ANKRD46: variants seen among roughly 807,000 people sequenced by gnomAD.
ANKRD46 encodes the protein ankyrin repeat domain 46, also known as ankyrin repeat domain-containing protein 46.
In ANKRD46, 13 loss-of-function variants were observed where a neutral mutation model predicts 19.8. The ratio of observed to expected loss-of-function variants is 0.66; its 90% CI spans 0.43 to 1.04. ANKRD46 has a LOEUF of 1.04. Ranked by LOEUF, ANKRD46 falls within the 50% of genes least tolerant of loss-of-function variation. The pLI is 0.00. For synonymous variants in ANKRD46, 91 were observed against 106.9 expected (o/e 0.85, Z 0.92); for missense variants, 185 against 274.8 (o/e 0.67, Z 2.31).
chr8:100,530,361 A>G lies in ANKRD46; in HGVS notation c.-27-501T>C, dbSNP rs533730896. On this transcript the variant is annotated intron_variant, in intron 2 of 4. Coordinates refer to ENST00000335659, the MANE Select transcript of ANKRD46 (RefSeq NM_001270377.2). The stretch of plus-strand genomic sequence containing the variant: ...TGAAAAGAACTTATACTCAACAAAG[A>G]CCTGTAGAGTGTTATGTTTATAGCA... Among the ~76,000 whole-genome samples the G allele has an allele frequency of 1.1e-4, 17 of 151,288 alleles. 1 individual carries two copies. Among genetic ancestry groups the G allele is most frequent in the African/African-American group, 4.1e-4 (17 of 41,110 alleles).
chr8:100,522,796 G>A (rs763761865), intron 4 of ANKRD46, 25 bp from the exon 5 acceptor site: 1 of 1,600,192 alleles, frequency 6.2e-7, no homozygotes, highest in Non-Finnish European at 8.5e-7. Context: ...AGAGCAAAAA[G>A]GGCATTAAAA....
rs1811751582 is a variant in ANKRD46 at position 100,522,711 on chromosome 8, GGAGAGGACT to G, written c.522_530del (p.Val175_Ser177del). The G allele has an allele frequency of 6.2e-7, 1 of 1,613,962 alleles. No individual in the cohort carries two copies. The highest frequency in any genetic ancestry group is 8.5e-7 in the Non-Finnish European group (1 of 1,180,038). ...ACTCCTGCCACGTGGTTCGGAAGCT[GGAGAGGACT>G]CCTTCACCTTGCTGCAGGTTGGGAT... is the stretch of plus-strand genomic sequence containing the variant. On this transcript the variant is annotated inframe_deletion, in exon 5 of 5. Transcript: ENST00000335659.
At chr8:100,556,281 A>G (rs1026704736) in intron 1 of ANKRD46, among the ~76,000 whole-genome samples, 4 of 152,196 alleles carry the variant, frequency 2.6e-5, no homozygotes, top group Non-Finnish European at 5.9e-5. Context: ...TCGGCCTCCC[A>G]AAGTGTTGGG....
At chr8:100,553,373 G>C (rs1487150488) in intron 1 of ANKRD46, among the ~76,000 whole-genome samples, 1 of 152,182 alleles carries the variant, frequency 6.6e-6, no homozygotes, top group East Asian at 1.9e-4. Context: ...ATGACTGATA[G>C]TAGGACTAAA....
intron 1 of ANKRD46, among the ~76,000 whole-genome samples, chr8:100,538,364 T>A (rs757060025): frequency 1.3e-5 from 2 of 152,164 alleles, no homozygotes; most frequent in Non-Finnish European, 2.9e-5. Flanking sequence ...GTACAGACTT[T>A]CTTTCTTGTC....
At position 100,543,462 on chromosome 8, in the gene ANKRD46, A is replaced by T. The variant is rs967422343; in HGVS notation, c.-130-10151T>A. ...AGCAGGACACAATATAAAACTGTTA[A>T]GAACTTGTTTTTAAAAGTTTGAACA... On this transcript the variant is annotated intron_variant, in intron 1 of 4. Transcript: ENST00000335659. The surrounding 1 kb of genome is among the most constrained non-coding windows in gnomAD (Gnocchi z 4.2). Among the ~76,000 whole-genome samples the T allele has an allele frequency of 2.0e-5, 3 of 152,230 alleles. No individual in the cohort carries two copies. The highest frequency in any genetic ancestry group is 2.0e-4 in the Admixed American group (3 of 15,278).
chr8:100,532,070 G>A lies in ANKRD46; in HGVS notation c.-28+1139C>T, dbSNP rs1245048177. On this transcript the variant is annotated intron_variant, in intron 2 of 4. Coordinates refer to ENST00000335659, the MANE Select transcript of ANKRD46 (RefSeq NM_001270377.2). The surrounding 1 kb of genome is among the most constrained non-coding windows in gnomAD (Gnocchi z 4.7). ...CTGGATATGAAATGAAGGGTGAAAA[G>A]GGGCTGTTAAGAATAATTTCAAATA... is the stretch of plus-strand genomic sequence containing the variant. 6.6e-6 allele frequency among the ~76,000 whole-genome samples: 1 copy of A among 152,136 alleles called. No homozygotes were observed. Among genetic ancestry groups the A allele is most frequent in the Non-Finnish European group, 1.5e-5 (1 of 68,036 alleles).
chr8:100,551,778 A>C (rs1299776099), intron 1 of ANKRD46: 3 of 458,396 alleles, frequency 6.5e-6, no homozygotes, highest in East Asian at 4.6e-5. Flanking sequence ...GCCAGCACCC[A>C]TACCCACCTC....
chr8:100,521,313 A>G lies in ANKRD46; in HGVS notation c.*1242T>C. The G allele has an allele frequency of 1.0e-6, 1 of 985,400 alleles. No homozygotes were observed. Among genetic ancestry groups the G allele is most frequent in the Non-Finnish European group, 1.2e-6 (1 of 829,906 alleles). 61.0% of individuals were successfully genotyped at this position (985,400 alleles called of 1,614,324 possible). ...CTTTATTCCAAAAAACAAAACCATT[A>G]GTTCTTTCACTACAATTTCCTGACT... is the stretch of plus-strand genomic sequence containing the variant. On this transcript the variant is annotated 3_prime_UTR_variant, in exon 5 of 5. Transcript: ENST00000335659.
At chr8:100,520,741 T>TTAAA, downstream of ANKRD46, 1 of 718,774 alleles carries the variant, frequency 1.4e-6, no homozygotes, top group Non-Finnish European at 1.6e-6. Flanking sequence ...TATAATACAC[T>TTAAA]AAAAAAAAAA....
chr8:100,515,198 A>G (rs1811609840), intron 5 of ANKRD46, among the ~76,000 whole-genome samples: 1 of 152,176 alleles, frequency 6.6e-6, no homozygotes, highest in Admixed American at 6.5e-5. Flanking sequence ...ACTTGAATCA[A>G]AAGTATGCAG....
chr8:100,522,575 G>A lies in ANKRD46; in HGVS notation c.667C>T (p.Gln223Ter). ...VSGVLPFVEN[Q>*]PELVH is the part of the protein sequence containing the mutation. ...CTCCTTTAATGCACCAGTTCAGGCT[G>A]GTTTTCCACGAAGGGTAGCACCCCA... Residue 223 changes from glutamine to a stop codon, truncating the protein, a stop_gained, in exon 5 of 5, where the codon CAG becomes TAG. Transcript: ENST00000335659. LOFTEE classifies it high-confidence loss of function. The A allele has an allele frequency of 6.2e-7, 1 of 1,614,066 alleles. No homozygotes were observed. Among genetic ancestry groups the A allele is most frequent in the Non-Finnish European group, 8.5e-7 (1 of 1,180,010 alleles).
chr8:100,538,871 A>G (rs1349078727), intron 1 of ANKRD46, among the ~76,000 whole-genome samples: 1 of 152,164 alleles, frequency 6.6e-6, no homozygotes, highest in East Asian at 1.9e-4. Context: ...CTGTTAAAAG[A>G]AACTGGATAC....
At chr8:100,547,693 T>C (rs932365505) in intron 1 of ANKRD46, among the ~76,000 whole-genome samples, 2 of 152,194 alleles carry the variant, frequency 1.3e-5, no homozygotes, top group Non-Finnish European at 2.9e-5. Flanking sequence ...CAAAATTCTC[T>C]GCCAATGGTA....
Position 100,527,503 on chromosome 8 carries a change from C to T in ANKRD46, c.470+342G>A. ...TCAGATTCATTTGTTACTATTTCTC[C>T]TTTGTACTGTCAATACAGCAGGTGG... On this transcript the variant is annotated intron_variant, in intron 4 of 4. Coordinates refer to ENST00000335659, the MANE Select transcript of ANKRD46 (RefSeq NM_001270377.2). This position sits in a 1 kb window ranked among gnomAD's most constrained non-coding sequence, Gnocchi z 4.0. Among the ~76,000 whole-genome samples the T allele has an allele frequency of 6.6e-6, 1 of 152,078 alleles. No individual in the cohort carries two copies. Among genetic ancestry groups the T allele is most frequent in the Admixed American group, 6.6e-5 (1 of 15,266 alleles).
chr8:100,521,450 G>A lies in ANKRD46; in HGVS notation c.*1105C>T, dbSNP rs1039718144. ...GAGGCCTTCAAACATACTGCTGAAA[G>A]CTGCAATATAGTTTGAGGGCCAGAT... On this transcript the variant is annotated 3_prime_UTR_variant, in exon 5 of 5. Coordinates refer to ENST00000335659, the MANE Select transcript of ANKRD46 (RefSeq NM_001270377.2). 2 of 985,250 alleles carry A rather than the reference G, an allele frequency of 2.0e-6. No individual in the cohort carries two copies. The highest frequency in any genetic ancestry group is 1.2e-6 in the Non-Finnish European group (1 of 829,922). 61.0% of individuals were successfully genotyped at this position (985,250 alleles called of 1,614,324 possible). A position where few individuals can be genotyped will look rare whatever the true frequency, so the allele number is the denominator to read the frequency against.
intron 5 of ANKRD46, among the ~76,000 whole-genome samples, chr8:100,513,459 G>T (rs1811581212): frequency 6.6e-6 from 1 of 152,190 alleles, no homozygotes; most frequent in Non-Finnish European, 1.5e-5. Context: ...GGTCTGTGAG[G>T]TTCCTATTAT....
chr8:100,523,907 G>A (rs1160949777), intron 4 of ANKRD46, among the ~76,000 whole-genome samples: 1 of 152,218 alleles, frequency 6.6e-6, no homozygotes, highest in Admixed American at 6.5e-5. Context: ...ACCTCCCAAA[G>A]TGCTGGGATT....
chr8:100,546,893 G>A lies in ANKRD46; in HGVS notation c.-131+12818C>T, dbSNP rs1403591121. ...TTAAGATTCAATGACTGCCTGGCTG[G>A]GTTTCAGACTTGCATGAGGCCTGAG... On this transcript the variant is annotated intron_variant, in intron 1 of 4. Transcript: ENST00000335659. The surrounding 1 kb of genome is among the most constrained non-coding windows in gnomAD (Gnocchi z 4.0). 6.6e-6 allele frequency among the ~76,000 whole-genome samples: 1 copy of A among 152,220 alleles called. No homozygotes were observed. Among genetic ancestry groups the A allele is most frequent in the Non-Finnish European group, 1.5e-5 (1 of 68,038 alleles).
Sources: gnomAD v4.1 joint callset for allele counts (sites outside exome capture counted in the v4.1 genomes callset) on GRCh38, gnomAD v4.1.1 for gene constraint, Gnocchi (gnomAD v3.1) non-coding constraint, MANE v1.5 for transcripts, NCBI Gene and HGNC (gene_info 2026-07-23, HGNC 2026-07-21) for gene names.